The following ZNF563 variants were observed in gnomAD, a reference collection of about 807,000 sequenced individuals.
ZNF563 encodes zinc finger protein 563.
ZNF563 carries 39 observed loss-of-function variants against 48.5 expected under a neutral mutation model. That is an observed-to-expected ratio of 0.80 (90% CI 0.62 to 1.05). ZNF563 has a LOEUF of 1.05. Ranked by LOEUF, ZNF563 falls within the 50% of genes least tolerant of loss-of-function variation. The pLI is 0.00. For synonymous variants in ZNF563, 168 were observed against 187.9 expected, an observed-to-expected ratio of 0.89 and a Z score of 0.87; for missense variants, 538 against 597.0, an observed-to-expected ratio of 0.90 and a Z score of 1.03.
rs369489562 is a variant in ZNF563, at chr19:12,322,631, T to A, written c.84A>T (p.Leu28Phe). ...WALLGPSQKN[L>F]YRYVMQETIR... is the part of the protein sequence containing the mutation. ...TGGTTTCTTGCATCACATATCTGTA[T>A]AAATTCTTCTGTGATGGACCCAGCA... Residue 28 changes from leucine (L) to phenylalanine (F), a missense_variant, in exon 2 of 4, where the codon TTA (leucine) becomes TTT (phenylalanine). Leu to Phe is a conservative substitution (Grantham distance 22, BLOSUM62 0). Transcript: ENST00000293725. The A allele has an allele frequency of 1.4e-5, 23 of 1,609,624 alleles. No individual in the cohort carries two copies. Among genetic ancestry groups the A allele is most frequent in the Non-Finnish European group, 1.8e-5 (21 of 1,177,526 alleles).
the ZNF563 span, among the ~76,000 whole-genome samples, chr19:12,342,441 A>G: frequency 1.3e-5 from 2 of 152,188 alleles, no homozygotes; most frequent in East Asian, 3.9e-4. Flanking sequence ...TGCAATAGAA[A>G]ATACTTTAAG....
chr19:12,320,062 G>A (rs564609725), intron 3 of ZNF563, among the ~76,000 whole-genome samples: 23 of 152,160 alleles, frequency 1.5e-4, no homozygotes, highest in Admixed American at 4.6e-4. Flanking sequence ...GATTAGAGAG[G>A]CATACGCCAC....
At chr19:12,322,809 G>T in intron 1 of ZNF563, 98 bp from the exon 2 acceptor site, 2 of 1,282,440 alleles carry the variant, frequency 1.6e-6, no homozygotes, top group Non-Finnish European at 1.0e-6. Context: ...TGCTTTCCAA[G>T]CATTTATTCA....
Position 12,319,279 on chromosome 19 carries a change from C to T in ZNF563, c.746G>A (p.Gly249Glu), listed in dbSNP as rs780140771. The T allele has an allele frequency of 6.2e-7, 1 of 1,614,004 alleles. No homozygotes were observed. Among genetic ancestry groups the T allele is most frequent in the Non-Finnish European group, 8.5e-7 (1 of 1,179,972 alleles). Residue 249 changes from glycine (G) to glutamate (E), a missense_variant, in exon 4 of 4, where the codon GGG becomes GAG. Gly to Glu is a moderately conservative substitution (Grantham distance 98, BLOSUM62 -2). Transcript: ENST00000293725. ...CTGCTTACATTCATACGGTTTCTCC[C>T]CAGTGTGCATTCTCTCATGTCTTCG... ...SYRRHERMHT[G>E]EKPYECKQCS...
chr19:12,334,613 A>G (rs999505072), upstream of ZNF563, among the ~76,000 whole-genome samples: 39 of 152,212 alleles, frequency 2.6e-4, no homozygotes, highest in Non-Finnish European at 2.9e-5. Flanking sequence ...TCACGCCTGC[A>G]ATCCCAGCAC....
Position 12,319,441 on chromosome 19 carries a change from C to G in ZNF563, c.584G>C (p.Arg195Thr), listed in dbSNP as rs1568472545. The change falls in exon 4 of 4, where the codon AGA (arginine) becomes ACA (threonine). Residue 195 changes from arginine (R) to threonine (T), a missense_variant. By Grantham distance (71) the Arg-to-Thr change is moderately conservative. Transcript: ENST00000293725. Reference sequence around the variant, plus strand: ...CCCACACAACTTACATTTATAAGGTCTATTTCCACCTTGCACTACCATGTG... The same window carrying G: ...CCCACACAACTTACATTTATAAGGTGTATTTCCACCTTGCACTACCATGTG... Reference protein sequence around the residue: ...RRHMVVQGGNRPYKCKLCGKA... With the variant: ...RRHMVVQGGNTPYKCKLCGKA... The G allele has an allele frequency of 6.2e-7, 1 of 1,614,248 alleles. No homozygotes were observed. Among genetic ancestry groups the G allele is most frequent in the Non-Finnish European group, 8.5e-7 (1 of 1,180,036 alleles).
At position 12,318,703 on chromosome 19, in the gene ZNF563, A is replaced by T; in HGVS notation, c.1322T>A (p.Val441Glu). ...ATTCGGCCCATCTCCCGTATGCATT[A>T]CCATATGTCTTCGAAAGCTTGAGCT... ...SHSSSFRRHM[V>E]MHTGDGPNKC... The change falls in exon 4 of 4, where the codon GTA (valine) becomes GAA (glutamate). Residue 441 changes from valine to glutamate, a missense_variant. By Grantham distance (121) the Val-to-Glu change is moderately radical. Transcript: ENST00000293725. The T allele has an allele frequency of 6.2e-7, 1 of 1,614,190 alleles. No homozygotes were observed. The highest frequency in any genetic ancestry group is 1.3e-5 in the African/African-American group (1 of 75,052).
the ZNF563 span, among the ~76,000 whole-genome samples, chr19:12,342,637 T>C: frequency 0.049 from 7,369 of 151,374 alleles, 598 homozygotes; most frequent in African/African-American, 0.17. Flanking sequence ...CAGCCAGACA[T>C]GCACATGCAC....
At chr19:12,337,209 CTCT>C (rs1310969297), upstream of ZNF563, among the ~76,000 whole-genome samples, 3 of 151,492 alleles carry the variant, frequency 2.0e-5, no homozygotes, top group African/African-American at 4.9e-5. Flanking sequence ...GCTTATTTCT[CTCT>C]TTTTTTTTGA....
the ZNF563 span, among the ~76,000 whole-genome samples, chr19:12,340,549 G>A: frequency 0.025 from 3,752 of 152,148 alleles, 155 homozygotes; most frequent in African/African-American, 0.086. Context: ...CAAGGTGGGC[G>A]GATCATTTGA....
At chr19:12,341,227 T>G in the ZNF563 span, among the ~76,000 whole-genome samples, 1 of 152,106 alleles carries the variant, frequency 6.6e-6, no homozygotes, top group Non-Finnish European at 1.5e-5. Flanking sequence ...ATTTTTTGTA[T>G]TTTTAGTAGA....
intron 1 of ZNF563, among the ~76,000 whole-genome samples, chr19:12,333,190 TC>T (rs1482683941): frequency 6.6e-6 from 1 of 152,014 alleles, no homozygotes; most frequent in Non-Finnish European, 1.5e-5. Context: ...TCCGTGACCC[TC>T]CCCCAATCCT....
chr19:12,341,616 A>G, the ZNF563 span, among the ~76,000 whole-genome samples: 1 of 152,346 alleles, frequency 6.6e-6, no homozygotes, highest in African/African-American at 2.4e-5. Context: ...GTTAAAGGAG[A>G]CAAAGAAGAA....
Position 12,318,192 on chromosome 19 carries a change from T to C in ZNF563, c.*402A>G, listed in dbSNP as rs1313671343. ...ACTTTTTCTATTTTTTGTAGAGACA[T>C]GGTTTCACCATTTTGCCCAGGCAGG... is the stretch of plus-strand genomic sequence containing the variant. On this transcript the variant is annotated 3_prime_UTR_variant, in exon 4 of 4. Coordinates refer to ENST00000293725, the MANE Select transcript of ZNF563 (RefSeq NM_145276.3). 4.5e-6 allele frequency: 1 copy of C among 221,364 alleles called. No homozygotes were observed. Among genetic ancestry groups the C allele is most frequent in the Non-Finnish European group, 9.0e-6 (1 of 111,416 alleles). 13.7% of individuals were successfully genotyped at this position (221,364 alleles called of 1,614,324 possible).
chr19:12,344,508 A>C, the ZNF563 span, among the ~76,000 whole-genome samples: 4 of 152,212 alleles, frequency 2.6e-5, no homozygotes, highest in Non-Finnish European at 5.9e-5. Flanking sequence ...AATTTGACAA[A>C]ATTAAATACC....
At chr19:12,329,198 GC>G (rs1166792055) in intron 1 of ZNF563, among the ~76,000 whole-genome samples, 3 of 152,188 alleles carry the variant, frequency 2.0e-5, no homozygotes, top group African/African-American at 7.2e-5. Context: ...AACAGGCTGG[GC>G]GCGTTGGCTC....
upstream of ZNF563, among the ~76,000 whole-genome samples, chr19:12,337,083 T>C (rs1969028558): frequency 6.6e-6 from 1 of 152,186 alleles, no homozygotes; most frequent in Admixed American, 6.5e-5. Context: ...AGACAGAATA[T>C]TCTAAGTGAC....
chr19:12,321,668 C>G (rs1321024903), intron 2 of ZNF563, among the ~76,000 whole-genome samples: 2 of 152,180 alleles, frequency 1.3e-5, no homozygotes, highest in Non-Finnish European at 2.9e-5. Context: ...TGGTCTCAAA[C>G]TCCTGACCTC....
upstream of ZNF563, among the ~76,000 whole-genome samples, chr19:12,337,471 G>T (rs1350005365): frequency 3.3e-5 from 5 of 152,146 alleles, no homozygotes; most frequent in Non-Finnish European, 7.4e-5. Context: ...CCAAACTGCT[G>T]GGATTACAGG....
Sources: gnomAD v4.1 joint callset for allele counts (sites outside exome capture counted in the v4.1 genomes callset) on GRCh38, gnomAD v4.1.1 for gene constraint, MANE v1.5 for transcripts, NCBI Gene and HGNC (gene_info 2026-07-23, HGNC 2026-07-21) for gene names.